Variants in FAM171A1 observed in about 807,000 individuals in gnomAD.
The protein encoded by FAM171A1 is family with sequence similarity 171 member A1, also known as protein FAM171A1.
A neutral mutation model predicts 74.9 loss-of-function variants in FAM171A1; 23 were observed. The ratio of observed to expected loss-of-function variants is 0.31; its 90% confidence interval spans 0.22 to 0.44. FAM171A1 has a LOEUF of 0.44. Among genes scored for constraint, FAM171A1 ranks in the 20% least tolerant of loss-of-function variants. The pLI is 1.00. For synonymous variants in FAM171A1, 527 were observed against 505.7 expected, an observed-to-expected ratio of 1.04 and a Z score of -0.57; for missense variants, 1,162 against 1,159.2, an observed-to-expected ratio of 1.00 and a Z score of -0.03.
chr10:15,215,219 T>A (rs538862036), intron 7 of FAM171A1, among the ~76,000 whole-genome samples: 1 of 152,326 alleles, frequency 6.6e-6, no homozygotes, highest in Admixed American at 6.5e-5. Flanking sequence ...GCTTTGCATT[T>A]TTAAAAATAA....
At chr10:15,253,166 G>C (rs1407332977) in intron 4 of FAM171A1, among the ~76,000 whole-genome samples, 1 of 152,026 alleles carries the variant, frequency 6.6e-6, no homozygotes, top group African/African-American at 2.4e-5. Flanking sequence ...ACCACACCCA[G>C]CTAATTTTTG....
intron 3 of FAM171A1, among the ~76,000 whole-genome samples, chr10:15,274,670 A>G (rs891347180): frequency 1.4e-4 from 21 of 152,334 alleles, no homozygotes; most frequent in Middle Eastern, 3.4e-3. Context: ...ACAGCATGGT[A>G]CTGGTACCAA....
chr10:15,302,505 C>CAAA (rs201888011), intron 1 of FAM171A1, among the ~76,000 whole-genome samples: 1 of 116,400 alleles, frequency 8.6e-6, no homozygotes. Context: ...AACCCAAAAC[C>CAAA]AAAAAAAAAA....
At chr10:15,308,229 C>T (rs2131834829) in intron 1 of FAM171A1, among the ~76,000 whole-genome samples, 1 of 152,306 alleles carries the variant, frequency 6.6e-6, no homozygotes, top group East Asian at 1.9e-4. Context: ...ACATTATACT[C>T]TACTTGCAAG....
chr10:15,371,521 A>C (rs142283361), upstream of FAM171A1, among the ~76,000 whole-genome samples: 722 of 151,594 alleles, frequency 4.8e-3, 9 homozygotes, highest in African/African-American at 0.016. Flanking sequence ...CAGGTCACCC[A>C]AGGGGCCGCA....
At chr10:15,282,409 T>C (rs1834981677) in intron 2 of FAM171A1, among the ~76,000 whole-genome samples, 1 of 152,218 alleles carries the variant, frequency 6.6e-6, no homozygotes, top group Non-Finnish European at 1.5e-5. Flanking sequence ...TCAAATAAGA[T>C]TTCTTTAAAC....
chr10:15,253,622 C>T (rs1834537623), intron 4 of FAM171A1, among the ~76,000 whole-genome samples: 1 of 152,104 alleles, frequency 6.6e-6, no homozygotes, highest in Non-Finnish European at 1.5e-5. Flanking sequence ...AAAGCTTTTT[C>T]AGAATAATCA....
At chr10:15,282,112 G>C (rs981686819) in intron 2 of FAM171A1, among the ~76,000 whole-genome samples, 1 of 152,092 alleles carries the variant, frequency 6.6e-6, no homozygotes, top group African/African-American at 2.4e-5. Flanking sequence ...ATGGAGTCTC[G>C]CTGTGTCATC....
At chr10:15,226,783 T>TC (rs950904616) in intron 5 of FAM171A1, among the ~76,000 whole-genome samples, 3 of 152,054 alleles carry the variant, frequency 2.0e-5, no homozygotes, top group Non-Finnish European at 2.9e-5. Flanking sequence ...CGCTGAATAC[T>TC]CCCCCCTACC....
Position 15,213,988 on chromosome 10 carries a change from G to A in FAM171A1, c.1600C>T (p.Arg534Cys), listed in dbSNP as rs796850715. 1.2e-6 allele frequency: 2 copies of A among 1,614,140 alleles called. No individual in the cohort carries two copies. Among genetic ancestry groups the A allele is most frequent in the South Asian group, 1.1e-5 (1 of 91,082 alleles). The change falls in exon 8 of 8, where the codon CGC becomes TGC. Residue 534 changes from arginine (R) to cysteine (C), a missense_variant. Arg to Cys is a radical substitution (Grantham distance 180). Transcript: ENST00000378116. The surrounding 1 kb of genome is among the most constrained non-coding windows in gnomAD (Gnocchi z 6.8). ...SSPEKEQLLDRRPTECMMSRS... is the reference protein window; with the variant it reads ...SSPEKEQLLDCRPTECMMSRS... ...GACATCATACATTCAGTGGGTCTGCGGTCCAGCAGCTGTTCTTTCTCAGGT... is the reference window on the plus strand; with the variant it reads ...GACATCATACATTCAGTGGGTCTGCAGTCCAGCAGCTGTTCTTTCTCAGGT...
At chr10:15,353,774 C>T (rs1835903695) in intron 1 of FAM171A1, among the ~76,000 whole-genome samples, 1 of 152,020 alleles carries the variant, frequency 6.6e-6, no homozygotes. Flanking sequence ...TCCTACAATG[C>T]AGGCGGCTCA....
At chr10:15,359,075 C>T (rs1835964385) in intron 1 of FAM171A1, among the ~76,000 whole-genome samples, 1 of 152,202 alleles carries the variant, frequency 6.6e-6, no homozygotes, top group Non-Finnish European at 1.5e-5. Flanking sequence ...TGTCAAGCTC[C>T]TTTGCATACT....
At chr10:15,231,187 G>A (rs1182761500) in intron 5 of FAM171A1, among the ~76,000 whole-genome samples, 1 of 152,186 alleles carries the variant, frequency 6.6e-6, no homozygotes. Flanking sequence ...CTGGAGGAAA[G>A]CCTGAGAAGG....
intron 3 of FAM171A1, 103 bp from the exon 4 acceptor site, chr10:15,254,982 C>T (rs999323188): frequency 3.3e-5 from 34 of 1,032,228 alleles, no homozygotes; most frequent in South Asian, 2.4e-4. Context: ...ACGCCTCCCC[C>T]ACCCTGCTCC....
chr10:15,280,530 C>T (rs557203410), intron 2 of FAM171A1, among the ~76,000 whole-genome samples: 4 of 152,150 alleles, frequency 2.6e-5, no homozygotes, highest in South Asian at 2.1e-4. Flanking sequence ...CTGCCTGCCA[C>T]GGGTGGAGGG....
At chr10:15,291,072 A>G (rs897782999) in intron 1 of FAM171A1, among the ~76,000 whole-genome samples, 1 of 152,064 alleles carries the variant, frequency 6.6e-6, no homozygotes, top group African/African-American at 2.4e-5. Flanking sequence ...CTGGTCTCAG[A>G]CTTCTGGGCT....
chr10:15,327,131 T>G (rs1203949829), intron 1 of FAM171A1, among the ~76,000 whole-genome samples: 1 of 152,162 alleles, frequency 6.6e-6, no homozygotes, highest in Non-Finnish European at 1.5e-5. Context: ...GGAGGCATGA[T>G]AGTATGGTGG....
At chr10:15,313,682 G>A (rs1402485338) in intron 1 of FAM171A1, among the ~76,000 whole-genome samples, 1 of 152,262 alleles carries the variant, frequency 6.6e-6, no homozygotes, top group Middle Eastern at 3.4e-3. Flanking sequence ...AAACGCCAAG[G>A]AAAATGAAGG....
intron 1 of FAM171A1, among the ~76,000 whole-genome samples, chr10:15,306,958 ACACT>A (rs1459819745): frequency 2.0e-5 from 3 of 152,090 alleles, no homozygotes; most frequent in African/African-American, 7.2e-5. Context: ...CCCTTCAAAA[ACACT>A]CAGTGATTCT....
Sources: allele counts gnomAD v4.1 joint callset (sites outside exome capture counted in the v4.1 genomes callset), GRCh38; gene constraint gnomAD v4.1.1; non-coding constraint Gnocchi (gnomAD v3.1); transcripts MANE v1.5; gene names NCBI Gene and HGNC (gene_info 2026-07-23, HGNC 2026-07-21).